Variants in CLVS1 observed in about 807,000 individuals in gnomAD.
CLVS1 encodes clavesin 1.
Under a neutral mutation model 33.1 loss-of-function variants are expected in CLVS1, and 10 were observed. The ratio of observed to expected loss-of-function variants is 0.30; its 90% CI spans 0.19 to 0.51. The LOEUF (loss-of-function observed/expected upper bound fraction) is 0.51. CLVS1 is among the 20% of genes least tolerant of loss of function. CLVS1 has a pLI of 0.97. For synonymous variants in CLVS1, 163 were observed against 166.1 expected (o/e 0.98, Z 0.14); for missense variants, 343 against 433.4 (o/e 0.79, Z 1.85).
At chr8:60,985,611 G>A in the CLVS1 span, among the ~76,000 whole-genome samples, 6 of 152,082 alleles carry the variant, frequency 3.9e-5, no homozygotes, top group African/African-American at 1.2e-4. Flanking sequence ...AAAAACCCAA[G>A]AAAAGAAAAT....
chr8:61,033,121 AG>A, the CLVS1 span, among the ~76,000 whole-genome samples: 8 of 43,344 alleles, frequency 1.8e-4, no homozygotes, highest in South Asian at 8.2e-4. Context: ...GAAGGAAGGA[AG>A]AAAGGAAAGA....
chr8:61,214,192 T>G (rs2129308013), intron 2 of CLVS1, among the ~76,000 whole-genome samples: 1 of 152,314 alleles, frequency 6.6e-6, no homozygotes, highest in Admixed American at 6.5e-5. Context: ...TTCACCTCGG[T>G]CCTGTGGTCC....
chr8:61,477,138 G>A (rs142002370), intron 5 of CLVS1, among the ~76,000 whole-genome samples: 1,753 of 152,268 alleles, frequency 0.012, 23 homozygotes, highest in South Asian at 0.066. Flanking sequence ...TGCATCCCAC[G>A]GATGAAGCAC....
intron 1 of CLVS1, among the ~76,000 whole-genome samples, chr8:61,109,966 C>A (rs1259794409): frequency 1.3e-5 from 2 of 152,304 alleles, no homozygotes; most frequent in East Asian, 3.9e-4. Flanking sequence ...AATTTCATTT[C>A]TTATAAATTA....
intron 3 of CLVS1, among the ~76,000 whole-genome samples, chr8:61,448,095 T>A (rs376865766): frequency 1.3e-5 from 2 of 152,222 alleles, no homozygotes; most frequent in South Asian, 2.1e-4. Flanking sequence ...TTCCATGGTG[T>A]CTAATGAGAA....
chr8:61,154,467 G>C (rs936350247), intron 2 of CLVS1, among the ~76,000 whole-genome samples: 2 of 151,786 alleles, frequency 1.3e-5, no homozygotes, highest in East Asian at 1.9e-4. Context: ...ATAGGGAGTG[G>C]GAAGAAAAAA....
chr8:61,202,778 C>G (rs1171105364), intron 2 of CLVS1: 9 of 1,531,890 alleles, frequency 5.9e-6, no homozygotes, highest in Non-Finnish European at 8.0e-6. Context: ...GGAAAGCGAT[C>G]TGCCCTCGGA....
At chr8:61,468,749 T>C (rs1817642325) in intron 5 of CLVS1, among the ~76,000 whole-genome samples, 1 of 140,108 alleles carries the variant, frequency 7.1e-6, no homozygotes, top group Non-Finnish European at 1.5e-5. Context: ...AGGTAGTTAC[T>C]ATGTGCTATT....
At chr8:61,153,255 C>T (rs913834297) in intron 2 of CLVS1, among the ~76,000 whole-genome samples, 2 of 152,168 alleles carry the variant, frequency 1.3e-5, no homozygotes, top group Admixed American at 1.3e-4. Context: ...TAAATAAGGA[C>T]TTGAAATGGA....
chr8:61,433,869 G>A (rs1816208162), intron 3 of CLVS1, among the ~76,000 whole-genome samples: 1 of 151,908 alleles, frequency 6.6e-6, no homozygotes, highest in Non-Finnish European at 1.5e-5. Flanking sequence ...AGCCAAGATT[G>A]TGCCACTGCA....
intron 5 of CLVS1, among the ~76,000 whole-genome samples, chr8:61,474,141 A>G (rs917261123): frequency 2.0e-5 from 3 of 152,190 alleles, no homozygotes; most frequent in Admixed American, 6.5e-5. Flanking sequence ...AATGTCATAC[A>G]GCGCAAGACA....
chr8:61,072,836 C>T (rs2129280625), intron 1 of CLVS1, among the ~76,000 whole-genome samples: 1 of 152,242 alleles, frequency 6.6e-6, no homozygotes, highest in Admixed American at 6.5e-5. Flanking sequence ...TTAGCTATTG[C>T]CTTTAGGTTA....
At chr8:61,348,703 G>A (rs867197701) in intron 2 of CLVS1, among the ~76,000 whole-genome samples, 2 of 151,926 alleles carry the variant, frequency 1.3e-5, no homozygotes, top group Non-Finnish European at 2.9e-5. Context: ...GTATCTCTTC[G>A]ACATACTGAT....
intron 4 of CLVS1, among the ~76,000 whole-genome samples, chr8:61,455,530 G>T (rs896498917): frequency 3.3e-5 from 5 of 152,064 alleles, no homozygotes; most frequent in South Asian, 4.1e-4. Context: ...TGTTGAAAAT[G>T]ACAGGATTTC....
At chr8:61,246,153 C>G (rs1476581309) in intron 2 of CLVS1, among the ~76,000 whole-genome samples, 1 of 128,856 alleles carries the variant, frequency 7.8e-6, no homozygotes, top group African/African-American at 2.7e-5. Flanking sequence ...AACCCTTTTT[C>G]TCTTCCTTCC....
rs576829013 is a variant in CLVS1, at chr8:61,093,087, C to A, written c.-243+35857C>A. Among the ~76,000 whole-genome samples, 11 of 152,274 alleles carry A rather than the reference C, an allele frequency of 7.2e-5. No individual in the cohort carries two copies. The East Asian group carries it at 2.1e-3, about 29-fold the overall frequency. ...TCTGACTCCTTTCCTTTTCTTTCTT[C>A]TTGTGTATTCTCAAAAGCTTGTTAT... On this transcript the variant is annotated intron_variant, in intron 1 of 2. Coordinates refer to the CLVS1 transcript ENST00000522621.
At chr8:61,329,999 C>A (rs1299019224) in intron 2 of CLVS1, among the ~76,000 whole-genome samples, 1 of 152,152 alleles carries the variant, frequency 6.6e-6, no homozygotes, top group African/African-American at 2.4e-5. Context: ...CTCCATGCAG[C>A]AAGATACCCA....
intron 5 of CLVS1, among the ~76,000 whole-genome samples, chr8:61,460,018 A>T: frequency 6.6e-6 from 1 of 152,104 alleles, no homozygotes. Context: ...TTGAATTATG[A>T]CCCACCCATA....
At chr8:61,039,788 C>T in the CLVS1 span, among the ~76,000 whole-genome samples, 1 of 152,198 alleles carries the variant, frequency 6.6e-6, no homozygotes, top group Non-Finnish European at 1.5e-5. Flanking sequence ...CATCCTCTCA[C>T]CTGGGCCTCC....
Sources: gnomAD v4.1 joint callset for allele counts (sites outside exome capture counted in the v4.1 genomes callset) on GRCh38, gnomAD v4.1.1 for gene constraint, MANE v1.5 for transcripts, NCBI Gene and HGNC (gene_info 2026-07-23, HGNC 2026-07-21) for gene names.